Variants in EYS observed in about 807,000 individuals in gnomAD.
EYS encodes protein eyes shut homolog.
A neutral mutation model predicts 282.1 loss-of-function variants in EYS; 250 were observed. The observed-to-expected ratio is 0.89, with a 90% CI of 0.80 to 0.98. The LOEUF is 0.98. Among genes scored for constraint, EYS ranks in the 50% least tolerant of loss-of-function variants. The pLI is 0.00. For missense variants in EYS, 4,016 were observed against 3,709.0 expected, an observed-to-expected ratio of 1.08 and a Z score of -2.15; for synonymous variants, 1,355 against 1,282.9, an observed-to-expected ratio of 1.06 and a Z score of -1.20.
At chr6:64,661,676 C>T (rs9452302) in intron 22 of EYS, among the ~76,000 whole-genome samples, 135,820 of 141,004 alleles carry the variant, frequency 0.96, 65,682 homozygotes, top group East Asian at 1. Flanking sequence ...ATCAAAACCA[C>T]AATGAGATAC....
At chr6:64,242,143 G>T (rs1343904621) in intron 30 of EYS, among the ~76,000 whole-genome samples, 2 of 152,136 alleles carry the variant, frequency 1.3e-5, no homozygotes, top group African/African-American at 2.4e-5. Context: ...ATGTTCTGTT[G>T]ACTTGGAGTG....
intron 31 of EYS, among the ~76,000 whole-genome samples, chr6:64,137,000 G>C (rs3003675): frequency 0.45 from 67,862 of 151,976 alleles, 17,276 homozygotes; most frequent in African/African-American, 0.7. Flanking sequence ...GCTGTTCAAT[G>C]TACATTGAAA....
At chr6:63,852,000 A>C (rs1435828871) in intron 36 of EYS, among the ~76,000 whole-genome samples, 1 of 151,880 alleles carries the variant, frequency 6.6e-6, no homozygotes, top group Non-Finnish European at 1.5e-5. Flanking sequence ...TACTAAAAAT[A>C]CAAAAAATTA....
intron 31 of EYS, among the ~76,000 whole-genome samples, chr6:64,169,911 T>C (rs1415220031): frequency 2.0e-5 from 3 of 152,154 alleles, no homozygotes; most frequent in Non-Finnish European, 4.4e-5. Flanking sequence ...AATTGAAGTA[T>C]AATGCAGAAG....
intron 30 of EYS, among the ~76,000 whole-genome samples, chr6:64,252,782 C>T (rs191823927): frequency 2.5e-4 from 38 of 152,278 alleles, no homozygotes; most frequent in Non-Finnish European, 4.4e-4. Flanking sequence ...TTAGACAAGT[C>T]GTATATATTT....
chr6:64,609,355 T>C (rs1012404311), intron 24 of EYS, among the ~76,000 whole-genome samples: 3 of 152,302 alleles, frequency 2.0e-5, no homozygotes, highest in Non-Finnish European at 2.9e-5. Context: ...GAGATCATTC[T>C]AGTTAAAGTG....
chr6:65,436,435 G>A (rs537230803), intron 5 of EYS, among the ~76,000 whole-genome samples: 18 of 152,040 alleles, frequency 1.2e-4, no homozygotes, highest in Non-Finnish European at 1.8e-4. Context: ...GAAAGGACTC[G>A]GCCAGAGCAA....
intron 2 of EYS, among the ~76,000 whole-genome samples, chr6:65,621,204 C>G (rs1187390637): frequency 1.3e-5 from 2 of 152,070 alleles, no homozygotes; most frequent in Non-Finnish European, 2.9e-5. Context: ...CTTTGTAGGT[C>G]GCTCAGGACT....
At chr6:64,412,368 A>G (rs1402344649) in intron 28 of EYS, among the ~76,000 whole-genome samples, 1 of 152,156 alleles carries the variant, frequency 6.6e-6, no homozygotes, top group Non-Finnish European at 1.5e-5. Context: ...CAAATAATGA[A>G]GAATGAGGAC....
At chr6:64,050,989 T>A (rs1404011861) in intron 33 of EYS, among the ~76,000 whole-genome samples, 1 of 152,178 alleles carries the variant, frequency 6.6e-6, no homozygotes, top group Non-Finnish European at 1.5e-5. Context: ...CATTTTTATA[T>A]TATAAGGGGA....
chr6:63,970,153 C>T (rs1417072838), intron 35 of EYS, among the ~76,000 whole-genome samples: 1 of 152,198 alleles, frequency 6.6e-6, no homozygotes, highest in Non-Finnish European at 1.5e-5. Context: ...CTCCAGGGCC[C>T]TGACACCTGC....
At chr6:63,981,169 T>C (rs9362335) in intron 35 of EYS, among the ~76,000 whole-genome samples, 53,681 of 151,496 alleles carry the variant, frequency 0.35, 9,604 homozygotes, top group African/African-American at 0.39. Context: ...GAGTCTATGT[T>C]CTCCTTCAGT....
chr6:65,075,221 A>G (rs1774013194), intron 12 of EYS, among the ~76,000 whole-genome samples: 1 of 151,878 alleles, frequency 6.6e-6, no homozygotes, highest in South Asian at 2.1e-4. Context: ...ATTTCTTGAA[A>G]ACCAAGGGTG....
At chr6:64,774,160 T>C (rs1773609231) in intron 22 of EYS, among the ~76,000 whole-genome samples, 1 of 151,986 alleles carries the variant, frequency 6.6e-6, no homozygotes, top group Non-Finnish European at 1.5e-5. Flanking sequence ...AAACTCTAGA[T>C]TCTACCCACG....
At chr6:65,219,433 T>C (rs956244071) in intron 12 of EYS, among the ~76,000 whole-genome samples, 14 of 152,152 alleles carry the variant, frequency 9.2e-5, no homozygotes, top group African/African-American at 3.1e-4. Flanking sequence ...CAAGTCTGCT[T>C]GTAAAGATGC....
Position 64,668,543 on chromosome 6 carries a change from CTTTTTTT to C in EYS, c.3444-42305_3444-42299del, listed in dbSNP as rs35765768. Among the ~76,000 whole-genome samples, 280 of 76,156 alleles carry C rather than the reference CTTTTTTT, an allele frequency of 3.7e-3. 1 individual carries two copies. Among genetic ancestry groups the C allele is most frequent in the African/African-American group, 0.014 (271 of 19,418 alleles). The allele number at this position is 76,156 out of a possible 152,430, so 50.0% of individuals were successfully genotyped here. On this transcript the variant is annotated intron_variant, in intron 22 of 42. Transcript: ENST00000503581. ...CAGCCTTCCAGCTAGTACCACAATT[CTTTTTTT>C]TTTTTTTTTTTTTTTTCGGGACAGA...
rs1562133742 is a variant in EYS at position 64,686,779 on chromosome 6, A to ATGTG, written c.3444-60535_3444-60534insCACA. On this transcript the variant is annotated intron_variant, in intron 22 of 42. Transcript: ENST00000503581. The stretch of plus-strand genomic sequence containing the variant: ...TATATATATGTGTGTATATATATAT[A>ATGTG]TATATATATGTGTGTATATATATAT... Among the ~76,000 whole-genome samples, 7 of 23,530 alleles carry ATGTG rather than the reference A, an allele frequency of 3.0e-4. 2 individuals carry two copies. In the South Asian group the frequency reaches 6.3e-3, roughly 21 times the overall value. 15.4% of individuals were successfully genotyped at this position (23,530 alleles called of 152,430 possible).
At chr6:64,158,742 T>C (rs990791799) in intron 31 of EYS, among the ~76,000 whole-genome samples, 1 of 152,220 alleles carries the variant, frequency 6.6e-6, no homozygotes, top group African/African-American at 2.4e-5. Context: ...AAGTTACCTA[T>C]CAAACTGCAA....
chr6:65,576,364 G>GA (rs1236824452), intron 2 of EYS, among the ~76,000 whole-genome samples: 3 of 151,558 alleles, frequency 2.0e-5, no homozygotes, highest in East Asian at 1.9e-4. Flanking sequence ...AAATAAGTTT[G>GA]AAAAAAATCA....
Sources: allele counts gnomAD v4.1 joint callset (sites outside exome capture counted in the v4.1 genomes callset), GRCh38; gene constraint gnomAD v4.1.1; transcripts MANE v1.5; gene names NCBI Gene and HGNC (gene_info 2026-07-23, HGNC 2026-07-21).